The following PDGFRB variants were observed in gnomAD, a reference collection of about 807,000 sequenced individuals.
PDGFRB encodes platelet-derived growth factor receptor beta.
In PDGFRB, 42 loss-of-function variants were observed where a neutral mutation model predicts 120.2. The observed-to-expected ratio is 0.35, with a 90% confidence interval of 0.27 to 0.45. The LOEUF (loss-of-function observed/expected upper bound fraction) is 0.45. PDGFRB is among the 20% of genes least tolerant of loss of function. The probability of loss-of-function intolerance (pLI) is 1.00; values close to 1 mark genes in which losing one functional copy is unlikely to be tolerated. For missense variants in PDGFRB, 1,149 were observed against 1,476.3 expected, an observed-to-expected ratio of 0.78 and a Z score of 3.63; for synonymous variants, 586 against 606.8, an observed-to-expected ratio of 0.97 and a Z score of 0.50.
At chr5:150,155,054 A>T (rs1017051705) in intron 1 of PDGFRB, among the ~76,000 whole-genome samples, 1 of 151,564 alleles carries the variant, frequency 6.6e-6, no homozygotes, top group Non-Finnish European at 1.5e-5. Flanking sequence ...CCTTCTCCCA[A>T]TTCCCCTCTC....
chr5:150,152,172 G>T (rs1307299241), intron 1 of PDGFRB, among the ~76,000 whole-genome samples: 2 of 152,094 alleles, frequency 1.3e-5, no homozygotes. Flanking sequence ...CTCCCAAAGT[G>T]CTGGGATTAC....
intron 10 of PDGFRB, among the ~76,000 whole-genome samples, chr5:150,128,257 C>A (rs2113900615): frequency 6.6e-6 from 1 of 152,360 alleles, no homozygotes; most frequent in South Asian, 2.1e-4. Context: ...CTCAGGCTGT[C>A]CACACTGTCT....
chr5:150,142,872 CG>C (rs1760820434), intron 1 of PDGFRB, among the ~76,000 whole-genome samples: 1 of 152,006 alleles, frequency 6.6e-6, no homozygotes, highest in Non-Finnish European at 1.5e-5. Context: ...CTTACTGTAT[CG>C]TTCACTCTTC....
At chr5:150,134,333 A>G (rs1274494206) in intron 4 of PDGFRB, among the ~76,000 whole-genome samples, 1 of 152,196 alleles carries the variant, frequency 6.6e-6, no homozygotes. Context: ...GGTACTCTCC[A>G]TCTTTTATTT....
chr5:150,130,481 C>A, intron 9 of PDGFRB, 58 bp downstream of exon 9: 1 of 1,568,886 alleles, frequency 6.4e-7, no homozygotes, highest in Non-Finnish European at 8.7e-7. Context: ...AGATAACCTT[C>A]ACGAGCTTTT....
At chr5:150,117,560 A>G (rs1411960139) in intron 22 of PDGFRB, 58 bp downstream of exon 22, 36 of 939,390 alleles carry the variant, frequency 3.8e-5, no homozygotes, top group African/African-American at 8.2e-5. Context: ...ACACACACAC[A>G]CACACACACA....
intron 10 of PDGFRB, among the ~76,000 whole-genome samples, chr5:150,127,027 G>C (rs765961806): frequency 6.6e-6 from 1 of 152,226 alleles, no homozygotes; most frequent in Non-Finnish European, 1.5e-5. Flanking sequence ...GGCTGCCACA[G>C]CTCGGTCAGA....
rs200628633 is a variant in PDGFRB at position 150,120,868 on chromosome 5, G to T, written c.2586+20C>A. On this transcript the variant is annotated intron_variant, in intron 18 of 22. Coordinates refer to ENST00000261799, the MANE Select transcript of PDGFRB (RefSeq NM_002609.4). The surrounding 1 kb of genome is among the most constrained non-coding windows in gnomAD (Gnocchi z 4.3). ...CACAGGCACTGTGACTGCCCTGCAG[G>T]GGCCAGGGAAGGTACTCACGCTGCC... 3.4e-5 allele frequency: 55 copies of T among 1,611,564 alleles called. No homozygotes were observed. The highest frequency in any genetic ancestry group is 4.6e-5 in the Non-Finnish European group (54 of 1,177,888).
intron 1 of PDGFRB, among the ~76,000 whole-genome samples, chr5:150,154,917 C>A (rs1047565700): frequency 6.6e-6 from 1 of 152,206 alleles, no homozygotes; most frequent in Non-Finnish European, 1.5e-5. Context: ...CCATTTAAAT[C>A]CCCAGAGGTT....
chr5:150,124,487 G>T, intron 13 of PDGFRB, 127 bp from the exon 14 acceptor site: 1 of 701,014 alleles, frequency 1.4e-6, no homozygotes, highest in South Asian at 1.8e-5. Flanking sequence ...TGGCGGGGGT[G>T]AGCACCCACA....
At chr5:150,124,455 G>A (rs1760236234) in intron 13 of PDGFRB, 95 bp from the exon 14 acceptor site, 3 of 904,798 alleles carry the variant, frequency 3.3e-6, no homozygotes, top group East Asian at 5.1e-5. Flanking sequence ...GCCCCGCCCT[G>A]TGCTGCAAGA....
At chr5:150,142,158 G>A (rs778938021) in intron 1 of PDGFRB, among the ~76,000 whole-genome samples, 7 of 152,140 alleles carry the variant, frequency 4.6e-5, no homozygotes, top group Non-Finnish European at 7.4e-5. Flanking sequence ...GTGCTCGTGG[G>A]GAAACTGAGG....
At position 150,119,543 on chromosome 5, in the gene PDGFRB, G is replaced by A; in HGVS notation, c.2722C>T (p.Pro908Ser). 6.2e-7 allele frequency: 1 copy of A among 1,612,398 alleles called. No homozygotes were observed. Among genetic ancestry groups the A allele is most frequent in the Non-Finnish European group, 8.5e-7 (1 of 1,178,420 alleles). ...TLGGTPYPEL[P>S]MNEQFYNAIK... is the part of the protein sequence containing the mutation. ...GCATTGTAGAACTGCTCGTTCATGG[G>A]CAGCTCTGGGTAAGGGGTGCCACCT... is the stretch of plus-strand genomic sequence containing the variant. The change falls in exon 20 of 23, where the codon CCC becomes TCC. Residue 908 changes from proline to serine, a missense_variant. By Grantham distance (74) the Pro-to-Ser change is moderately conservative. Coordinates refer to ENST00000261799, the MANE Select transcript of PDGFRB (RefSeq NM_002609.4).
At chr5:150,151,031 A>C (rs1432361089) in intron 1 of PDGFRB, among the ~76,000 whole-genome samples, 1 of 152,174 alleles carries the variant, frequency 6.6e-6, no homozygotes, top group Non-Finnish European at 1.5e-5. Context: ...AAGGGGCCAC[A>C]CTAATTGTCA....
intron 1 of PDGFRB, among the ~76,000 whole-genome samples, chr5:150,142,637 A>G (rs1760814833): frequency 2.0e-5 from 3 of 150,092 alleles, no homozygotes; most frequent in South Asian, 4.1e-4. Flanking sequence ...GGTCCCCCCT[A>G]TCTGCAGGGA....
intron 1 of PDGFRB, among the ~76,000 whole-genome samples, chr5:150,149,707 C>A (rs1203695825): frequency 1.3e-5 from 2 of 152,264 alleles, no homozygotes; most frequent in East Asian, 3.9e-4. Context: ...ATGCTCTGGG[C>A]CAGGAGGGGC....
intron 1 of PDGFRB, among the ~76,000 whole-genome samples, chr5:150,140,618 G>A (rs1366736279): frequency 2.0e-5 from 3 of 151,934 alleles, no homozygotes; most frequent in African/African-American, 7.3e-5. Context: ...GGCACAGAGT[G>A]GAACCCCAAG....
intron 11 of PDGFRB, 86 bp downstream of exon 11, chr5:150,126,434 G>GC: frequency 1.2e-6 from 1 of 802,990 alleles, no homozygotes; most frequent in Non-Finnish European, 2.2e-6. Context: ...GCCAGATCAC[G>GC]CAGCATTCAA....
In PDGFRB at chr5:150,132,698, G is replaced by T. The variant is rs1395461823; in HGVS notation, c.1127+52C>A. ...GGCTGAAAGCCGAGGGCTGCCTGGC[G>T]GCTGCAAAGAAAAATAACTTCAAGA... On this transcript the variant is annotated intron_variant, in intron 7 of 22. Transcript: ENST00000261799. This position sits in a 1 kb window ranked among gnomAD's most constrained non-coding sequence, Gnocchi z 5.0. The T allele has an allele frequency of 1.9e-6, 3 of 1,543,418 alleles. No homozygotes were observed. The highest frequency in any genetic ancestry group is 2.7e-5 in the African/African-American group (2 of 73,672).
Sources: allele counts gnomAD v4.1 joint callset (sites outside exome capture counted in the v4.1 genomes callset), GRCh38; gene constraint gnomAD v4.1.1; non-coding constraint Gnocchi (gnomAD v3.1); transcripts MANE v1.5; gene names NCBI Gene and HGNC (gene_info 2026-07-23, HGNC 2026-07-21).